PIBF1: variants seen among roughly 807,000 people sequenced by gnomAD.
The protein encoded by PIBF1 is progesterone immunomodulatory binding factor 1.
Under a neutral mutation model 112.5 loss-of-function variants are expected in PIBF1, and 90 were observed. The observed-to-expected ratio is 0.80, with a 90% CI of 0.67 to 0.95. PIBF1 has a LOEUF of 0.95. PIBF1 is among the 40% of genes least tolerant of loss of function. PIBF1 has a pLI of 0.00. For missense variants in PIBF1, 915 were observed against 852.3 expected (o/e 1.07, Z -0.92); for synonymous variants, 301 against 288.6 (o/e 1.04, Z -0.44).
chr13:72,962,248 G>A (rs776473316), intron 14 of PIBF1, among the ~76,000 whole-genome samples: 67 of 151,962 alleles, frequency 4.4e-4, no homozygotes, highest in Admixed American at 1.6e-3. Context: ...ATTGTATATA[G>A]TACACTAGCA....
At chr13:72,965,915 G>A (rs2042727357) in intron 15 of PIBF1, among the ~76,000 whole-genome samples, 1 of 151,846 alleles carries the variant, frequency 6.6e-6, no homozygotes, top group Non-Finnish European at 1.5e-5. Flanking sequence ...TCCTTAATTT[G>A]TAATTGTTTC....
At chr13:72,930,166 T>G (rs1251019878) in intron 13 of PIBF1, among the ~76,000 whole-genome samples, 1 of 152,190 alleles carries the variant, frequency 6.6e-6, no homozygotes, top group Non-Finnish European at 1.5e-5. Flanking sequence ...GGCCTTAACA[T>G]TATTTTTTAG....
chr13:72,945,499 C>T lies in PIBF1; in HGVS notation c.1833+14232C>T, dbSNP rs145444688. 2.7e-3 allele frequency among the ~76,000 whole-genome samples: 408 copies of T among 152,278 alleles called. 2 individuals carry two copies. The highest frequency in any genetic ancestry group is 9.5e-3 in the African/African-American group (393 of 41,568). On this transcript the variant is annotated intron_variant, in intron 14 of 17. Coordinates refer to ENST00000326291, the MANE Select transcript of PIBF1 (RefSeq NM_006346.4). ...ACAATGGCTGAACTGACTTACATTC[C>T]TACCAACAATATACAAGCATTCCCT...
chr13:72,919,673 C>G (rs192952128), intron 13 of PIBF1, among the ~76,000 whole-genome samples: 6 of 151,962 alleles, frequency 3.9e-5, no homozygotes, highest in African/African-American at 1.4e-4. Context: ...ATCTTTGTTA[C>G]AAGAAAAAAT....
At chr13:72,921,133 C>G (rs1216549817) in intron 13 of PIBF1, among the ~76,000 whole-genome samples, 1 of 152,044 alleles carries the variant, frequency 6.6e-6, no homozygotes, top group East Asian at 1.9e-4. Flanking sequence ...GAGTCTCACT[C>G]ACTCTGTCAC....
chr13:73,012,489 T>C (rs1197555611), intron 17 of PIBF1, among the ~76,000 whole-genome samples: 1 of 150,580 alleles, frequency 6.6e-6, no homozygotes, highest in Non-Finnish European at 1.5e-5. Context: ...ACTTTGGGAG[T>C]GTGAGAGGAT....
chr13:72,852,508 G>C (rs1044363883), intron 9 of PIBF1, among the ~76,000 whole-genome samples: 2 of 152,146 alleles, frequency 1.3e-5, no homozygotes, highest in Non-Finnish European at 2.9e-5. Flanking sequence ...GTGAGATCCC[G>C]GCCAGTATAG....
intron 10 of PIBF1, among the ~76,000 whole-genome samples, chr13:72,860,352 T>C (rs937189187): frequency 1.5e-5 from 2 of 135,886 alleles, no homozygotes; most frequent in Non-Finnish European, 3.2e-5. Flanking sequence ...TGTGTGTGTG[T>C]GACAGTAGAG....
At chr13:72,967,671 AC>A (rs1349710750) in intron 15 of PIBF1, among the ~76,000 whole-genome samples, 1 of 152,204 alleles carries the variant, frequency 6.6e-6, no homozygotes, top group African/African-American at 2.4e-5. Context: ...TAAAAGTAGC[AC>A]TTTAATGAGT....
intron 14 of PIBF1, among the ~76,000 whole-genome samples, chr13:72,936,076 G>A (rs2041865535): frequency 6.6e-6 from 1 of 151,834 alleles, no homozygotes; most frequent in Admixed American, 6.6e-5. Context: ...TGCCCAGGTT[G>A]GAGCGCAGTG....
At chr13:72,909,404 A>G (rs1020136464) in intron 12 of PIBF1, among the ~76,000 whole-genome samples, 1 of 152,220 alleles carries the variant, frequency 6.6e-6, no homozygotes, top group Admixed American at 6.5e-5. Context: ...TCTCAGTGGA[A>G]ATACAAAAGA....
intron 5 of PIBF1, among the ~76,000 whole-genome samples, chr13:72,815,246 A>G (rs190907753): frequency 1.3e-5 from 2 of 152,130 alleles, no homozygotes; most frequent in East Asian, 3.9e-4. Flanking sequence ...ATGATTAAAC[A>G]GAGTATATTC....
chr13:72,954,191 C>T (rs903644340), intron 14 of PIBF1, among the ~76,000 whole-genome samples: 27 of 152,262 alleles, frequency 1.8e-4, no homozygotes, highest in African/African-American at 5.3e-4. Flanking sequence ...CAGCAAGTCC[C>T]ATACCCTCAG....
chr13:72,965,277 G>A lies in PIBF1; in HGVS notation c.1837G>A (p.Asp613Asn). The A allele has an allele frequency of 6.2e-7, 1 of 1,608,158 alleles. No individual in the cohort carries two copies. The highest frequency in any genetic ancestry group is 8.5e-7 in the Non-Finnish European group (1 of 1,178,254). Residue 613 changes from aspartate (D) to asparagine (N), a missense_variant, in exon 15 of 18, where the codon GAC becomes AAC. Asp to Asn is a conservative substitution (Grantham distance 23). Transcript: ENST00000326291. ...AATGAAACCTGTGTTTCTTTAGCTT[G>A]ACAGAGCCAATTCGCTATTAAACCA... ...DQVTQLSQEL[D>N]RANSLLNQTQ...
intron 9 of PIBF1, 141 bp from the exon 10 acceptor site, chr13:72,853,916 G>A: frequency 1.6e-6 from 1 of 614,558 alleles, no homozygotes; most frequent in Admixed American, 2.8e-5. Context: ...ACTCAACCAA[G>A]CCAAGCAGGT....
Position 72,798,046 on chromosome 13 carries a change from C to A in PIBF1, c.672+20C>A, listed in dbSNP as rs774436278. The A allele has an allele frequency of 3.2e-6, 5 of 1,572,548 alleles. No homozygotes were observed. Among genetic ancestry groups the A allele is most frequent in the Admixed American group, 2.0e-5 (1 of 50,188 alleles). On this transcript the variant is annotated intron_variant, in intron 5 of 17. Transcript: ENST00000326291. ...ACAGAGGTTTGTATGGTTTTGATTG[C>A]TGGTGGGAAGAAGCTTCGGCTTTTT...
At chr13:72,943,672 A>G (rs2042071075) in intron 14 of PIBF1, among the ~76,000 whole-genome samples, 1 of 151,878 alleles carries the variant, frequency 6.6e-6, no homozygotes, top group South Asian at 2.1e-4. Flanking sequence ...CCAAATCTTC[A>G]CTTGCTGTCT....
chr13:72,823,181 A>G (rs1941753746), intron 6 of PIBF1, among the ~76,000 whole-genome samples: 1 of 152,224 alleles, frequency 6.6e-6, no homozygotes, highest in Non-Finnish European at 1.5e-5. Flanking sequence ...CCCCTCTGCC[A>G]CTATCAGTCT....
chr13:72,903,267 T>TC (rs769219980), intron 11 of PIBF1, among the ~76,000 whole-genome samples: 4 of 151,888 alleles, frequency 2.6e-5, no homozygotes, highest in East Asian at 1.9e-4. Context: ...ATCTTCATTC[T>TC]CCCCCCCTAG....
Sources: allele counts gnomAD v4.1 joint callset (sites outside exome capture counted in the v4.1 genomes callset), GRCh38; gene constraint gnomAD v4.1.1; transcripts MANE v1.5; gene names NCBI Gene and HGNC (gene_info 2026-07-23, HGNC 2026-07-21).